PPP1R12A: variants seen among roughly 807,000 people sequenced by gnomAD.
PPP1R12A encodes myosin binding subunit.
A neutral mutation model predicts 139.6 loss-of-function variants in PPP1R12A; 19 were observed. The ratio of observed to expected loss-of-function variants is 0.14; its 90% CI spans 0.09 to 0.20. PPP1R12A has a LOEUF of 0.20. PPP1R12A is among the 10% of genes least tolerant of loss of function. PPP1R12A has a pLI of 1.00. For missense variants in PPP1R12A, 925 were observed against 1,211.5 expected, an observed-to-expected ratio of 0.76 and a Z score of 3.51; for synonymous variants, 427 against 420.6, an observed-to-expected ratio of 1.02 and a Z score of -0.19.
intron 14 of PPP1R12A, among the ~76,000 whole-genome samples, chr12:79,802,665 T>C (rs1873333485): frequency 5.3e-5 from 8 of 152,006 alleles, no homozygotes; most frequent in Admixed American, 5.2e-4. Context: ...CCTGTAGTCC[T>C]AGCTACTCAG....
At chr12:79,867,875 G>A (rs1261752394) in intron 2 of PPP1R12A, among the ~76,000 whole-genome samples, 1 of 152,104 alleles carries the variant, frequency 6.6e-6, no homozygotes, top group Non-Finnish European at 1.5e-5. Flanking sequence ...GCCATGTGAA[G>A]AAGAATGTGT....
chr12:79,779,792 T>G, intron 23 of PPP1R12A: 1 of 163,524 alleles, frequency 6.1e-6, no homozygotes, highest in Non-Finnish European at 1.4e-5. Context: ...AGATTTTAAA[T>G]TAGTGGTAAA....
At chr12:79,781,095 A>G (rs1392121144) in intron 23 of PPP1R12A, among the ~76,000 whole-genome samples, 2 of 152,188 alleles carry the variant, frequency 1.3e-5, no homozygotes, top group Non-Finnish European at 2.9e-5. Flanking sequence ...GCTACACTAC[A>G]AACAATCTTT....
intron 19 of PPP1R12A, among the ~76,000 whole-genome samples, chr12:79,792,604 C>T (rs991188191): frequency 3.9e-5 from 6 of 152,106 alleles, no homozygotes; most frequent in African/African-American, 1.2e-4. Context: ...TTCATCTTAA[C>T]GTATCTCATA....
intron 11 of PPP1R12A, among the ~76,000 whole-genome samples, chr12:79,807,647 A>T (rs1005454521): frequency 6.6e-6 from 1 of 152,110 alleles, no homozygotes; most frequent in Admixed American, 6.5e-5. Context: ...GACAAAAAAA[A>T]TGCTTATTAA....
chr12:79,815,435 C>T (rs185961789), intron 9 of PPP1R12A, among the ~76,000 whole-genome samples: 176 of 151,536 alleles, frequency 1.2e-3, no homozygotes, highest in Non-Finnish European at 1.2e-3. Flanking sequence ...ACAGGAGAAT[C>T]GCTTAAACCC....
At chr12:79,826,334 C>CG (rs1224889093) in intron 5 of PPP1R12A, among the ~76,000 whole-genome samples, 7 of 138,272 alleles carry the variant, frequency 5.1e-5, no homozygotes, top group South Asian at 2.3e-4. Context: ...ACAATTGTTT[C>CG]GGGTTTTTTT....
At chr12:79,852,548 C>T (rs1416159433) in intron 2 of PPP1R12A, among the ~76,000 whole-genome samples, 1 of 152,116 alleles carries the variant, frequency 6.6e-6, no homozygotes, top group Non-Finnish European at 1.5e-5. Flanking sequence ...GACTCTAGAT[C>T]TTACTTAAAT....
intron 8 of PPP1R12A, among the ~76,000 whole-genome samples, chr12:79,820,042 C>A (rs1875900787): frequency 7.0e-6 from 1 of 143,268 alleles, no homozygotes; most frequent in Admixed American, 7.1e-5. Context: ...ATGAAAAAAA[C>A]ACAAAACAAT....
Position 79,809,985 on chromosome 12 carries a change from G to C in PPP1R12A, c.1265C>G (p.Ser422Cys). 1 of 1,612,418 alleles carries C rather than the reference G, an allele frequency of 6.2e-7. No individual in the cohort carries two copies. The highest frequency in any genetic ancestry group is 1.1e-5 in the South Asian group (1 of 90,576). The change falls in exon 10 of 25, where the codon TCT becomes TGT. Residue 422 changes from serine to cysteine, a missense_variant. This residue lies in a region of PPP1R12A where 403 missense variants were observed against 463.7 expected (regional missense o/e 0.87). Transcript: ENST00000450142. ...KKFPTTATKI[S>C]PKEEERKDES... ...ATCTTTTCTCTCTTCTTCTTTGGGA[G>C]AAATTTTTGTAGCTGTGGTTGGAAA...
At position 79,895,695 on chromosome 12, in the gene PPP1R12A, C is replaced by T. The variant is rs199635216; in HGVS notation, c.238-22757G>A. Among the ~76,000 whole-genome samples, 7 of 152,286 alleles carry T rather than the reference C, an allele frequency of 4.6e-5. No homozygotes were observed. The East Asian group carries it at 1.4e-3, about 29-fold the overall frequency. ...ATAAACTTCCTCTTCCAGAGAATAG[C>T]TTTCAGAAAACCACAGTTTGACATC... is the stretch of plus-strand genomic sequence containing the variant. On this transcript the variant is annotated intron_variant, in intron 1 of 24. Coordinates refer to ENST00000450142, the MANE Select transcript of PPP1R12A (RefSeq NM_002480.3).
At chr12:79,859,319 A>G (rs1168635561) in intron 2 of PPP1R12A, among the ~76,000 whole-genome samples, 1 of 145,756 alleles carries the variant, frequency 6.9e-6, no homozygotes, top group Non-Finnish European at 1.5e-5. Flanking sequence ...CCTGGGCAAC[A>G]GGGTGAGACT....
intron 5 of PPP1R12A, among the ~76,000 whole-genome samples, chr12:79,824,772 T>A (rs943979582): frequency 3.3e-5 from 5 of 152,104 alleles, no homozygotes; most frequent in African/African-American, 1.2e-4. Context: ...ATATAAGCAG[T>A]GTCACTCAAA....
At chr12:79,854,014 G>A (rs1880346226) in intron 2 of PPP1R12A, among the ~76,000 whole-genome samples, 2 of 152,206 alleles carry the variant, frequency 1.3e-5, no homozygotes, top group South Asian at 2.1e-4. Context: ...TATGTGTGTT[G>A]TTGGAATCGT....
chr12:79,899,259 T>A (rs1159742560), intron 1 of PPP1R12A, among the ~76,000 whole-genome samples: 932 of 4,184 alleles, frequency 0.22, 20 homozygotes, highest in African/African-American at 0.36. Flanking sequence ...TATATATATA[T>A]ATATATATAT....
At chr12:79,778,752 C>A in intron 23 of PPP1R12A, 152 bp from the exon 24 acceptor site, 1 of 428,924 alleles carries the variant, frequency 2.3e-6, no homozygotes. Flanking sequence ...AAGAGCTTTC[C>A]AAAATTTGAC....
chr12:79,836,455 C>A (rs904234615), intron 3 of PPP1R12A, among the ~76,000 whole-genome samples: 179 of 151,950 alleles, frequency 1.2e-3, no homozygotes, highest in African/African-American at 4.2e-3. Flanking sequence ...TAAAAAAAAC[C>A]TACTTCTTTT....
intron 4 of PPP1R12A, among the ~76,000 whole-genome samples, chr12:79,829,835 G>A (rs189263341): frequency 2.0e-3 from 303 of 151,972 alleles, no homozygotes; most frequent in African/African-American, 7.0e-3. Context: ...GAAAAAAAGA[G>A]GTAAATTTTT....
At chr12:79,889,830 G>A (rs1379188079) in intron 1 of PPP1R12A, among the ~76,000 whole-genome samples, 1 of 152,100 alleles carries the variant, frequency 6.6e-6, no homozygotes, top group Non-Finnish European at 1.5e-5. Flanking sequence ...CAAGGCACTG[G>A]CAGATTCCAT....
Sources: allele counts gnomAD v4.1 joint callset (sites outside exome capture counted in the v4.1 genomes callset), GRCh38; gene constraint gnomAD v4.1.1; regional missense constraint gnomAD v4.1.1; transcripts MANE v1.5; gene names NCBI Gene and HGNC (gene_info 2026-07-23, HGNC 2026-07-21).